Variants in DNAH17 observed in about 807,000 individuals in gnomAD.
DNAH17 encodes axonemal beta dynein heavy chain 17.
Under a neutral mutation model 485.6 loss-of-function variants are expected in DNAH17, and 376 were observed. The observed-to-expected ratio is 0.77, with a 90% CI of 0.71 to 0.84. The LOEUF is 0.84. Among genes scored for constraint, DNAH17 ranks in the 40% least tolerant of loss-of-function variants. The pLI, the probability that DNAH17 is intolerant of heterozygous loss-of-function variation, is 0.00. For synonymous variants in DNAH17, 3,031 were observed against 2,405.9 expected, an observed-to-expected ratio of 1.26 and a Z score of -7.60; for missense variants, 6,370 against 5,839.3, an observed-to-expected ratio of 1.09 and a Z score of -2.96.
intron 77 of DNAH17, chr17:78,428,248 T>G: frequency 2.0e-6 from 1 of 488,728 alleles, no homozygotes; most frequent in South Asian, 2.0e-5. Flanking sequence ...GACTGCAGGG[T>G]GGAGGGCTGG....
intron 74 of DNAH17, 47 bp from the exon 75 acceptor site, chr17:78,434,267 T>A (rs377200796): frequency 6.4e-7 from 1 of 1,550,416 alleles, no homozygotes; most frequent in African/African-American, 1.4e-5. Flanking sequence ...GGGAGAAGTT[T>A]ACACAGAAAT....
intron 35 of DNAH17, chr17:78,500,958 C>T (rs530276706): frequency 3.5e-5 from 15 of 429,080 alleles, no homozygotes; most frequent in African/African-American, 2.4e-4. Context: ...AAAACATGAC[C>T]CCAACTCAGC....
chr17:78,445,627 C>A lies in DNAH17; in HGVS notation c.11265G>T (p.Arg3755=). 1 of 1,569,848 alleles carries A rather than the reference C, an allele frequency of 6.4e-7. No individual in the cohort carries two copies. Among genetic ancestry groups the A allele is most frequent in the South Asian group, 1.2e-5 (1 of 85,210 alleles). The change falls in exon 70 of 81, where the codon CGG becomes CGT. Residue 3755 remains arginine, a synonymous_variant. Coordinates refer to ENST00000389840, the MANE Select transcript of DNAH17 (RefSeq NM_173628.4). ...LNPVELDFLL[R]FPFKAGVVSP... The stretch of plus-strand genomic sequence containing the variant: ...AGACCACTCCGGCCTTAAAAGGGAA[C>A]CGCAGGAGGAAATCCAGCTCCACTG...
intron 74 of DNAH17, among the ~76,000 whole-genome samples, 160 bp from the exon 75 acceptor site, chr17:78,434,380 G>A (rs1316576372): frequency 6.6e-6 from 1 of 152,176 alleles, no homozygotes; most frequent in Non-Finnish European, 1.5e-5. Context: ...TATCAGACCC[G>A]CTGCAAGGAA....
chr17:78,525,805 G>C (rs1451094900), intron 24 of DNAH17, among the ~76,000 whole-genome samples: 1 of 152,274 alleles, frequency 6.6e-6, no homozygotes, highest in Non-Finnish European at 1.5e-5. Flanking sequence ...CCTAGGGAGA[G>C]AATGGCTGCA....
In DNAH17 at chr17:78,570,977, C is replaced by A; in HGVS notation, c.889G>T (p.Glu297Ter). The change falls in exon 6 of 81, where the codon GAG (glutamate) becomes TAG (stop). Residue 297 changes from glutamate to a stop codon, truncating the protein, a stop_gained. Transcript: ENST00000389840. LOFTEE classifies it high-confidence loss of function. Reference sequence around the variant, plus strand: ...GTGAAGTCGGCTTGTTCCATCTCCTCCAGCAGGATCCGTAGGGGCTTCAAA... The same window carrying A: ...GTGAAGTCGGCTTGTTCCATCTCCTACAGCAGGATCCGTAGGGGCTTCAAA... ...LYLKPLRILL[E>*]EMEQADFTML... 1 of 1,586,512 alleles carries A rather than the reference C, an allele frequency of 6.3e-7. No homozygotes were observed. The highest frequency in any genetic ancestry group is 1.2e-5 in the South Asian group (1 of 86,768).
chr17:78,544,593 G>A (rs970332740), intron 16 of DNAH17, among the ~76,000 whole-genome samples: 4 of 152,050 alleles, frequency 2.6e-5, no homozygotes, highest in Admixed American at 2.0e-4. Context: ...ACGAGGTCAG[G>A]AGATCGAGAC....
chr17:78,554,090 C>A (rs2091967735), intron 14 of DNAH17, among the ~76,000 whole-genome samples: 1 of 152,056 alleles, frequency 6.6e-6, no homozygotes, highest in Non-Finnish European at 1.5e-5. Flanking sequence ...TCATGGTGCC[C>A]AGCCTAAAGC....
intron 3 of DNAH17, among the ~76,000 whole-genome samples, chr17:78,571,993 GTGGTCAGAGATACCAGGGCC>G (rs1252381182): frequency 1.3e-5 from 2 of 152,180 alleles, no homozygotes; most frequent in Admixed American, 6.5e-5. Flanking sequence ...AATAATGGGC[GTGGTCAGAGATACCAGGGCC>G]TGGAGGCGCT....
intron 30 of DNAH17, 30 bp from the exon 31 acceptor site, chr17:78,505,475 C>T (rs748825798): frequency 6.2e-7 from 1 of 1,613,450 alleles, no homozygotes; most frequent in East Asian, 2.2e-5. Flanking sequence ...GGGAATTATG[C>T]AACGGGGGAT....
At chr17:78,531,475 A>C (rs1446381231) in intron 20 of DNAH17, among the ~76,000 whole-genome samples, 2 of 151,858 alleles carry the variant, frequency 1.3e-5, no homozygotes, top group East Asian at 1.9e-4. Context: ...AGTAGCTGGA[A>C]CTACAGGCGC....
At chr17:78,556,853 G>A (rs913210654) in intron 14 of DNAH17, among the ~76,000 whole-genome samples, 1 of 152,142 alleles carries the variant, frequency 6.6e-6, no homozygotes, top group Non-Finnish European at 1.5e-5. Context: ...GAAGAAGAAT[G>A]GTGCTACATG....
intron 22 of DNAH17, among the ~76,000 whole-genome samples, chr17:78,528,187 T>C (rs147351888): frequency 1.8e-4 from 28 of 152,278 alleles, no homozygotes; most frequent in African/African-American, 6.7e-4. Context: ...CTGTCTGCAT[T>C]TTTACTACCC....
At chr17:78,478,244 TCACCACCATCACCATTATCATCTC>T (rs1270905948) in intron 51 of DNAH17, among the ~76,000 whole-genome samples, 134 of 130,410 alleles carry the variant, frequency 1.0e-3, no homozygotes, top group Admixed American at 3.8e-3. Context: ...ACCACCATCA[TCACCACCATCACCATTATCATCTC>T]CACCACCATC....
In DNAH17 at chr17:78,461,746, C is replaced by A. The variant is rs779159266; in HGVS notation, c.9175-38G>T. 3.2e-6 allele frequency: 5 copies of A among 1,583,804 alleles called. No individual in the cohort carries two copies. The African/African-American group carries it at 6.7e-5, about 21-fold the overall frequency. The stretch of plus-strand genomic sequence containing the variant: ...AAACCGAGAAACAGCAAGTGTGGGC[C>A]GCAGCCGACACACGCCGCCCTGCAC... On this transcript the variant is annotated intron_variant, in intron 57 of 80. Transcript: ENST00000389840.
chr17:78,513,679 A>AC (rs2090698404), intron 26 of DNAH17, among the ~76,000 whole-genome samples: 1 of 152,082 alleles, frequency 6.6e-6, no homozygotes, highest in Non-Finnish European at 1.5e-5. Flanking sequence ...CAAGTGATCC[A>AC]CCCACCTCGG....
At chr17:78,468,124 A>G (rs2088570225) in intron 55 of DNAH17, among the ~76,000 whole-genome samples, 1 of 151,714 alleles carries the variant, frequency 6.6e-6, no homozygotes. Flanking sequence ...GTCTGTCCAC[A>G]TCTGTGGATT....
At chr17:78,508,479 C>T (rs1421993279) in intron 27 of DNAH17, among the ~76,000 whole-genome samples, 6 of 152,220 alleles carry the variant, frequency 3.9e-5, no homozygotes, top group South Asian at 2.1e-4. Context: ...CCTTTCCTCC[C>T]ATACCACAGA....
At position 78,529,791 on chromosome 17, in the gene DNAH17, T is replaced by C; in HGVS notation, c.3285-97A>G. On this transcript the variant is annotated intron_variant, in intron 21 of 80. Coordinates refer to ENST00000389840, the MANE Select transcript of DNAH17 (RefSeq NM_173628.4). ...TGAGAGGGGGACGACCGCGGTGAGG[T>C]CAACTGGCCATCACTGAAGGCCCCA... is the stretch of plus-strand genomic sequence containing the variant. The C allele has an allele frequency of 5.6e-6, 7 of 1,245,680 alleles. No homozygotes were observed. In the East Asian group the frequency reaches 7.5e-5, roughly 13 times the overall value. The allele number at this position is 1,245,680 out of a possible 1,614,324, so 77.2% of individuals were successfully genotyped here.
Sources: gnomAD v4.1 joint callset for allele counts (sites outside exome capture counted in the v4.1 genomes callset) on GRCh38, gnomAD v4.1.1 for gene constraint, MANE v1.5 for transcripts, NCBI Gene and HGNC (gene_info 2026-07-23, HGNC 2026-07-21) for gene names.